SNTG1: variants seen among roughly 807,000 people sequenced by gnomAD.
The protein encoded by SNTG1 is gamma-1-syntrophin.
A neutral mutation model predicts 74.7 loss-of-function variants in SNTG1; 39 were observed. The ratio of observed to expected loss-of-function variants is 0.52; its 90% CI spans 0.40 to 0.68. The LOEUF is 0.68. Among genes scored for constraint, SNTG1 ranks in the 30% least tolerant of loss-of-function variants. SNTG1 has a pLI of 0.00. For missense variants in SNTG1, 685 were observed against 609.5 expected, an observed-to-expected ratio of 1.12 and a Z score of -1.30; for synonymous variants, 254 against 217.1, an observed-to-expected ratio of 1.17 and a Z score of -1.49.
At chr8:50,471,508 G>A (rs1031390013) in intron 8 of SNTG1, among the ~76,000 whole-genome samples, 14 of 152,308 alleles carry the variant, frequency 9.2e-5, no homozygotes, top group Non-Finnish European at 1.9e-4. Context: ...CTCATTCACT[G>A]CAGCTAGAAA....
rs1303061015 is a variant in SNTG1, at chr8:50,085,497, A to G, written c.-102-87064A>G. The stretch of plus-strand genomic sequence containing the variant: ...GCTTAAGGATTTGAAGATCAAAGAT[A>G]AGGCTCTATGCACAGTGTAACCAGC... On this transcript the variant is annotated intron_variant, in intron 1 of 18. Transcript: ENST00000642720. Among the ~76,000 whole-genome samples the G allele has an allele frequency of 2.6e-5, 4 of 152,208 alleles. No homozygotes were observed. The East Asian group carries it at 7.7e-4, about 29-fold the overall frequency.
chr8:50,641,885 A>G (rs2095075706), intron 13 of SNTG1, among the ~76,000 whole-genome samples: 1 of 152,216 alleles, frequency 6.6e-6, no homozygotes, highest in South Asian at 2.1e-4. Flanking sequence ...ATCTTTGTAC[A>G]CATTCACAGT....
At chr8:49,941,354 C>T (rs993095959) in intron 1 of SNTG1, among the ~76,000 whole-genome samples, 3 of 151,870 alleles carry the variant, frequency 2.0e-5, no homozygotes, top group Non-Finnish European at 4.4e-5. Context: ...TAAGGCTCAC[C>T]AGAATGGTCA....
chr8:50,424,691 A>C (rs903960465), intron 4 of SNTG1, among the ~76,000 whole-genome samples: 6 of 152,224 alleles, frequency 3.9e-5, no homozygotes, highest in Admixed American at 1.3e-4. Flanking sequence ...ATTAAAAATC[A>C]CACTATCTTA....
chr8:50,594,537 T>C (rs1207245966), intron 13 of SNTG1, among the ~76,000 whole-genome samples: 1 of 152,076 alleles, frequency 6.6e-6, no homozygotes, highest in Non-Finnish European at 1.5e-5. Flanking sequence ...TATAGAAATA[T>C]TGACATTTGA....
intron 2 of SNTG1, among the ~76,000 whole-genome samples, chr8:50,347,889 G>A (rs1382613881): frequency 3.3e-5 from 5 of 152,234 alleles, no homozygotes; most frequent in East Asian, 1.9e-4. Flanking sequence ...ACAAATTTCC[G>A]GGTTTCCCAG....
rs183987227 is a variant in SNTG1, at chr8:50,270,288, G to A, written c.-28+97653G>A. On this transcript the variant is annotated intron_variant, in intron 2 of 18. Coordinates refer to ENST00000642720, the MANE Select transcript of SNTG1 (RefSeq NM_018967.5). ...AAGTGTTTCAGTGGGGCCACACAGA[G>A]ATGAAACAGGCTATCCAATGAAAAT... 3.1e-4 allele frequency among the ~76,000 whole-genome samples: 47 copies of A among 152,270 alleles called. No individual in the cohort carries two copies. In the East Asian group the frequency reaches 8.5e-3, roughly 28 times the overall value.
At chr8:50,396,410 C>A (rs1444166666) in intron 3 of SNTG1, among the ~76,000 whole-genome samples, 1 of 152,090 alleles carries the variant, frequency 6.6e-6, no homozygotes, top group African/African-American at 2.4e-5. Context: ...AGTCTGGTGC[C>A]AGGACTCGAA....
intron 1 of SNTG1, among the ~76,000 whole-genome samples, chr8:49,943,177 A>G (rs561437602): frequency 2.0e-5 from 3 of 152,206 alleles, no homozygotes; most frequent in Non-Finnish European, 4.4e-5. Context: ...TGGGAGTGAA[A>G]GAACGTTTCA....
intron 15 of SNTG1, among the ~76,000 whole-genome samples, chr8:50,700,243 G>GTT (rs1167302943): frequency 6.6e-6 from 1 of 152,048 alleles, no homozygotes; most frequent in African/African-American, 2.4e-5. Context: ...TTTTCAGTTA[G>GTT]TTATATATAT....
chr8:50,306,540 C>G (rs1430620369), intron 2 of SNTG1, among the ~76,000 whole-genome samples: 2 of 151,906 alleles, frequency 1.3e-5, no homozygotes, highest in African/African-American at 4.8e-5. Context: ...CCTTTTTTAC[C>G]ACATCCACAC....
intron 2 of SNTG1, among the ~76,000 whole-genome samples, chr8:50,392,125 G>A (rs1479411599): frequency 6.6e-6 from 1 of 152,164 alleles, no homozygotes; most frequent in South Asian, 2.1e-4. Flanking sequence ...TAGTACTAAT[G>A]TATCAGCAAT....
chr8:49,970,219 G>T lies in SNTG1; in HGVS notation c.-103+57988G>T, dbSNP rs145842907. Among the ~76,000 whole-genome samples the T allele has an allele frequency of 3.4e-3, 514 of 152,014 alleles. 1 individual carries two copies. Among genetic ancestry groups the T allele is most frequent in the African/African-American group, 0.012 (490 of 41,424 alleles). On this transcript the variant is annotated intron_variant, in intron 1 of 18. Transcript: ENST00000642720. ...CACAGTGCCTATTTGATGAGTAAGA[G>T]GTGCTACGAGATCATCACGAGGAAA...
chr8:50,575,526 T>A (rs2094572026), intron 12 of SNTG1: 1 of 152,240 alleles, frequency 6.6e-6, no homozygotes, highest in South Asian at 2.1e-4. Context: ...CATACCAAAG[T>A]AGCAAGCCCA....
chr8:50,457,161 A>G (rs1205706349), intron 8 of SNTG1: 1 of 152,134 alleles, frequency 6.6e-6, no homozygotes, highest in Non-Finnish European at 1.5e-5. Context: ...TCTCATCTGA[A>G]GGATTAAGAG....
intron 1 of SNTG1, among the ~76,000 whole-genome samples, chr8:50,111,783 A>G (rs2080602277): frequency 1.3e-5 from 2 of 152,138 alleles, no homozygotes; most frequent in South Asian, 4.1e-4. Flanking sequence ...CAAATGGGAC[A>G]TGGAGAATAA....
intron 1 of SNTG1, among the ~76,000 whole-genome samples, chr8:50,021,203 TTTTC>T (rs1332428914): frequency 3.9e-5 from 6 of 152,182 alleles, no homozygotes; most frequent in Non-Finnish European, 5.9e-5. Flanking sequence ...CCAGAGTTGA[TTTTC>T]AAATGAAAGA....
chr8:50,500,831 C>A (rs1186901535), intron 8 of SNTG1, among the ~76,000 whole-genome samples: 1 of 152,104 alleles, frequency 6.6e-6, no homozygotes, highest in Non-Finnish European at 1.5e-5. Context: ...ATGGAAAAAG[C>A]TTTCCCAGGT....
intron 1 of SNTG1, among the ~76,000 whole-genome samples, chr8:50,138,144 G>A (rs927541443): frequency 2.6e-5 from 4 of 152,042 alleles, no homozygotes; most frequent in African/African-American, 9.7e-5. Flanking sequence ...AATGACATTA[G>A]TGTGAGGACT....
Sources: allele counts gnomAD v4.1 joint callset (sites outside exome capture counted in the v4.1 genomes callset), GRCh38; gene constraint gnomAD v4.1.1; transcripts MANE v1.5; gene names NCBI Gene and HGNC (gene_info 2026-07-23, HGNC 2026-07-21).